LRRIQ4: variants seen among roughly 807,000 people sequenced by gnomAD.
The protein encoded by LRRIQ4 is leucine-rich repeat and IQ domain-containing protein 4.
A neutral mutation model predicts 40.1 loss-of-function variants in LRRIQ4; 21 were observed. The ratio of observed to expected loss-of-function variants is 0.52; its 90% CI spans 0.37 to 0.75. The LOEUF is 0.75. Ranked by LOEUF, LRRIQ4 falls within the 30% of genes least tolerant of loss-of-function variation. The pLI, the probability that LRRIQ4 is intolerant of heterozygous loss-of-function variation, is 0.00. For missense variants in LRRIQ4, 655 were observed against 660.0 expected (o/e 0.99, Z 0.08); for synonymous variants, 277 against 277.1 (o/e 1.00, Z 0.00).
intron 2 of LRRIQ4, among the ~76,000 whole-genome samples, chr3:169,824,840 A>T (rs1286927847): frequency 1.3e-5 from 2 of 151,904 alleles, no homozygotes; most frequent in Non-Finnish European, 2.9e-5. Flanking sequence ...AAAGAAAAAA[A>T]TAGCTGTTAA....
intron 5 of LRRIQ4, among the ~76,000 whole-genome samples, chr3:169,835,364 C>G (rs116610735): frequency 6.8e-6 from 1 of 146,398 alleles, no homozygotes; most frequent in Non-Finnish European, 1.5e-5. Flanking sequence ...TTGTCTTTTT[C>G]TGTGTGTGTG....
intron 1 of LRRIQ4, among the ~76,000 whole-genome samples, chr3:169,819,681 C>A (rs922362075): frequency 6.6e-6 from 1 of 152,182 alleles, no homozygotes; most frequent in African/African-American, 2.4e-5. Context: ...ATTTCTTTAT[C>A]TGGGAAACAG....
In LRRIQ4 at chr3:169,828,917, C is replaced by T. The variant is rs755514234; in HGVS notation, c.1179C>T (p.His393=). Residue 393 remains histidine, a synonymous_variant, in exon 3 of 6, where the codon CAC becomes CAT. Coordinates refer to ENST00000340806, the MANE Select transcript of LRRIQ4 (RefSeq NM_001080460.3). ...QGFKLTYVPE[H]IRKLQSLKEL... ...TCAAACTTACCTATGTGCCAGAACA[C>T]ATTAGGAAACTGCAGGTAAGCCTCC... 1 of 1,607,152 alleles carries T rather than the reference C, an allele frequency of 6.2e-7. No individual in the cohort carries two copies. Among genetic ancestry groups the T allele is most frequent in the South Asian group, 1.1e-5 (1 of 89,282 alleles).
At chr3:169,816,826 A>G (rs1209934367) in intron 1 of LRRIQ4, among the ~76,000 whole-genome samples, 1 of 151,964 alleles carries the variant, frequency 6.6e-6, no homozygotes, top group Non-Finnish European at 1.5e-5. Flanking sequence ...ACACACCACA[A>G]TGCTTGGCTA....
chr3:169,831,570 G>A (rs1190152260), intron 4 of LRRIQ4, among the ~76,000 whole-genome samples: 1 of 143,022 alleles, frequency 7.0e-6, no homozygotes, highest in Non-Finnish European at 1.5e-5. Flanking sequence ...CCAAAGTGCT[G>A]GAATTACAGG....
At chr3:169,816,334 T>C (rs1032658676) in intron 1 of LRRIQ4, among the ~76,000 whole-genome samples, 2 of 152,186 alleles carry the variant, frequency 1.3e-5, no homozygotes, top group Non-Finnish European at 2.9e-5. Flanking sequence ...CTTTGATCTT[T>C]TTACTTGCTA....
At position 169,821,917 on chromosome 3, in the gene LRRIQ4, CAAT is replaced by C. The variant is rs1226754166; in HGVS notation, c.-1_2del. 20 of 1,425,860 alleles carry C rather than the reference CAAT, an allele frequency of 1.4e-5. No individual in the cohort carries two copies. Among genetic ancestry groups the C allele is most frequent in the Non-Finnish European group, 1.8e-5 (19 of 1,085,680 alleles). 88.3% of individuals were successfully genotyped at this position (1,425,860 alleles called of 1,614,324 possible). A position where few individuals can be genotyped will look rare whatever the true frequency, so the allele number is the denominator to read the frequency against. Reference sequence around the variant, plus strand: ...TTTTGAATATTTGAGCTTTTCTTCACAATAATGTCAAAAGACATAAAATCAGTA... The same window carrying C: ...TTTTGAATATTTGAGCTTTTCTTCACAATGTCAAAAGACATAAAATCAGTA... On this transcript the variant is annotated 5_prime_UTR_variant, in exon 2 of 6. Transcript: ENST00000340806.
chr3:169,821,218 A>G (rs1476849023), intron 1 of LRRIQ4, among the ~76,000 whole-genome samples: 1 of 152,200 alleles, frequency 6.6e-6, no homozygotes, highest in East Asian at 1.9e-4. Flanking sequence ...GGTTTTAAGG[A>G]AAAATACTGT....
chr3:169,817,376 C>T (rs1435510822), intron 1 of LRRIQ4, among the ~76,000 whole-genome samples: 2 of 152,170 alleles, frequency 1.3e-5, no homozygotes, highest in African/African-American at 4.8e-5. Context: ...TTGAGAAGAT[C>T]CATGTGCTGA....
chr3:169,837,672 TTAAGAAGAC>T lies in LRRIQ4; in HGVS notation c.*42_*50del. ...AATTGGGGTAATGGACCTTGATAGA[TTAAGAAGAC>T]AAAATATCTAGGAATTAGATGCCTA... On this transcript the variant is annotated 3_prime_UTR_variant, in exon 6 of 6. Transcript: ENST00000340806. The T allele has an allele frequency of 6.8e-7, 1 of 1,462,140 alleles. No homozygotes were observed. The highest frequency in any genetic ancestry group is 9.1e-7 in the Non-Finnish European group (1 of 1,093,542). 90.6% of individuals were successfully genotyped at this position (1,462,140 alleles called of 1,614,324 possible).
intron 2 of LRRIQ4, among the ~76,000 whole-genome samples, chr3:169,825,170 G>T (rs1780015594): frequency 6.6e-6 from 1 of 151,854 alleles, no homozygotes; most frequent in African/African-American, 2.4e-5. Flanking sequence ...ACCACGCCCG[G>T]CTAATTTATG....
At chr3:169,837,414 A>G in intron 5 of LRRIQ4, 65 bp from the exon 6 acceptor site, 4 of 1,504,996 alleles carry the variant, frequency 2.7e-6, no homozygotes, top group Non-Finnish European at 3.6e-6. Context: ...GAATAAAGAG[A>G]TTTAACAATT....
intron 3 of LRRIQ4, among the ~76,000 whole-genome samples, chr3:169,829,492 T>TA (rs11457830): frequency 0.016 from 2,366 of 150,722 alleles, 71 homozygotes; most frequent in African/African-American, 0.055. Context: ...AAAGAACTGT[T>TA]TTTTTTTTTT....
intron 5 of LRRIQ4, among the ~76,000 whole-genome samples, chr3:169,836,044 C>T (rs1780295912): frequency 6.6e-6 from 1 of 152,180 alleles, no homozygotes; most frequent in South Asian, 2.1e-4. Context: ...ATGCACCAGA[C>T]ACTGTTCTAA....
intron 4 of LRRIQ4, among the ~76,000 whole-genome samples, chr3:169,831,145 T>G (rs1780162563): frequency 6.6e-6 from 1 of 151,932 alleles, no homozygotes; most frequent in Admixed American, 6.6e-5. Context: ...TGTCTGTACA[T>G]TCATCCATCC....
chr3:169,829,184 A>C (rs1368265444), intron 3 of LRRIQ4, among the ~76,000 whole-genome samples: 1 of 152,160 alleles, frequency 6.6e-6, no homozygotes, highest in Admixed American at 6.5e-5. Flanking sequence ...GGTGTGTTTC[A>C]TTTGCAGAAA....
Position 169,822,860 on chromosome 3 carries a change from C to A in LRRIQ4, c.939C>A (p.Asn313Lys). Residue 313 changes from asparagine (N) to lysine (K), a missense_variant, in exon 2 of 6, where the codon AAC becomes AAA. By Grantham distance (94) the Asn-to-Lys change is moderately conservative (BLOSUM62 0). Transcript: ENST00000340806. ...VNLRFLDLSQNHLHHCPLQIC... is the reference protein window; with the variant it reads ...VNLRFLDLSQKHLHHCPLQIC... ...TGCGCTTCCTGGACCTAAGCCAGAA[C>A]CATCTGCACCACTGCCCGCTGCAGA... The A allele has an allele frequency of 6.2e-7, 1 of 1,610,850 alleles. No individual in the cohort carries two copies. The highest frequency in any genetic ancestry group is 1.3e-5 in the African/African-American group (1 of 75,010).
At chr3:169,830,233 G>A (rs1475296024) in intron 3 of LRRIQ4, among the ~76,000 whole-genome samples, 1 of 149,692 alleles carries the variant, frequency 6.7e-6, no homozygotes, top group Admixed American at 6.6e-5. Context: ...AAACAAATAA[G>A]CACTAGATGT....
chr3:169,830,737 C>A, intron 4 of LRRIQ4, 107 bp downstream of exon 4: 1 of 1,353,646 alleles, frequency 7.4e-7, no homozygotes, highest in South Asian at 1.3e-5. Flanking sequence ...GTTCAGAGAA[C>A]TGAGTCTATC....
Sources: allele counts gnomAD v4.1 joint callset (sites outside exome capture counted in the v4.1 genomes callset), GRCh38; gene constraint gnomAD v4.1.1; transcripts MANE v1.5; gene names NCBI Gene and HGNC (gene_info 2026-07-23, HGNC 2026-07-21).